Variants in EML6 observed in about 807,000 individuals in gnomAD.
EML6 encodes EMAP like 6.
Under a neutral mutation model 240.1 loss-of-function variants are expected in EML6, and 154 were observed. The observed-to-expected ratio is 0.64, with a 90% CI of 0.56 to 0.73. EML6 has a LOEUF of 0.73. Ranked by LOEUF, EML6 falls within the 30% of genes least tolerant of loss-of-function variation. The pLI is 0.00. For missense variants in EML6, 2,964 were observed against 2,474.6 expected (o/e 1.20, Z -4.20); for synonymous variants, 1,148 against 899.0 (o/e 1.28, Z -4.95).
chr2:54,835,142 T>C (rs2104224283), intron 7 of EML6, among the ~76,000 whole-genome samples: 1 of 152,372 alleles, frequency 6.6e-6, no homozygotes, highest in Non-Finnish European at 1.5e-5. Context: ...CCTATGCTGA[T>C]GATCTCTTCT....
chr2:54,877,526 G>A (rs577828702), intron 16 of EML6, among the ~76,000 whole-genome samples: 11 of 152,236 alleles, frequency 7.2e-5, no homozygotes, highest in Admixed American at 5.2e-4. Context: ...CAAGTGCAGA[G>A]GCATGCCAAC....
chr2:54,929,132 G>C (rs769656036), intron 28 of EML6, among the ~76,000 whole-genome samples: 1 of 152,174 alleles, frequency 6.6e-6, no homozygotes, highest in Non-Finnish European at 1.5e-5. Context: ...AGGTCATGGA[G>C]GAATGGCTGC....
At chr2:54,819,879 G>A (rs1036470701) in intron 4 of EML6, among the ~76,000 whole-genome samples, 3 of 152,174 alleles carry the variant, frequency 2.0e-5, no homozygotes, top group Middle Eastern at 6.9e-3. Context: ...GATAGCCTGA[G>A]GGACTATTTA....
At chr2:54,914,171 C>T (rs1250326523) in intron 25 of EML6, among the ~76,000 whole-genome samples, 2 of 152,146 alleles carry the variant, frequency 1.3e-5, no homozygotes, top group East Asian at 1.9e-4. Context: ...AGAATATATA[C>T]ACCTATATTT....
At chr2:54,901,394 C>G (rs1191706551) in intron 22 of EML6, among the ~76,000 whole-genome samples, 1 of 152,164 alleles carries the variant, frequency 6.6e-6, no homozygotes, top group Non-Finnish European at 1.5e-5. Flanking sequence ...TCACTACAGG[C>G]TAGAATCATT....
At chr2:54,921,141 A>G (rs1374094881) in intron 26 of EML6, among the ~76,000 whole-genome samples, 1 of 152,124 alleles carries the variant, frequency 6.6e-6, no homozygotes, top group African/African-American at 2.4e-5. Flanking sequence ...GAGAAAAGGC[A>G]TCCAGATCAG....
At chr2:54,878,609 T>C (rs1397936490) in intron 16 of EML6, among the ~76,000 whole-genome samples, 2 of 152,208 alleles carry the variant, frequency 1.3e-5, no homozygotes, top group Non-Finnish European at 2.9e-5. Flanking sequence ...AACCTAAATG[T>C]CCAAATTATA....
At chr2:54,918,911 A>G (rs1262738665) in intron 26 of EML6, among the ~76,000 whole-genome samples, 1 of 152,208 alleles carries the variant, frequency 6.6e-6, no homozygotes, top group East Asian at 1.9e-4. Context: ...CCAAATGCTT[A>G]TCGAACTCCT....
At chr2:54,923,622 G>A (rs1674383304) in intron 26 of EML6, among the ~76,000 whole-genome samples, 1 of 152,002 alleles carries the variant, frequency 6.6e-6, no homozygotes, top group South Asian at 2.1e-4. Context: ...TTCAAGATTT[G>A]CTTATGGTAT....
chr2:54,819,596 T>G (rs1668233543), intron 4 of EML6, among the ~76,000 whole-genome samples: 1 of 151,870 alleles, frequency 6.6e-6, no homozygotes. Flanking sequence ...ACCAACATGG[T>G]GAAACCCCGT....
intron 2 of EML6, among the ~76,000 whole-genome samples, chr2:54,770,378 T>G: frequency 6.6e-6 from 1 of 152,250 alleles, no homozygotes; most frequent in East Asian, 1.9e-4. Flanking sequence ...TTTCCAGTTC[T>G]GTTCCATGGT....
intron 2 of EML6, among the ~76,000 whole-genome samples, chr2:54,783,988 G>T (rs1016297862): frequency 6.6e-6 from 1 of 151,964 alleles, no homozygotes; most frequent in African/African-American, 2.4e-5. Flanking sequence ...TTGTGGTATT[G>T]CCCAGGCTGG....
chr2:54,911,468 T>A lies in EML6; in HGVS notation c.3498+426T>A, dbSNP rs944160501. On this transcript the variant is annotated intron_variant, in intron 25 of 41. Coordinates refer to ENST00000356458, the MANE Select transcript of EML6 (RefSeq NM_001039753.4). ...TTTTTGAGGTGGAGTCTTGCTCTTT[T>A]GCCCAGGCTGGAGTGCAGGGGCACC... Among the ~76,000 whole-genome samples, 120 of 152,192 alleles carry A rather than the reference T, an allele frequency of 7.9e-4. 2 individuals carry two copies. The highest frequency in any genetic ancestry group is 2.8e-3 in the African/African-American group (118 of 41,528).
chr2:54,899,838 CAT>C, intron 22 of EML6, 56 bp downstream of exon 22: 2 of 1,471,142 alleles, frequency 1.4e-6, no homozygotes, highest in Non-Finnish European at 1.8e-6. Flanking sequence ...CAGAATGTGT[CAT>C]ATTTATTCAC....
At chr2:54,799,025 A>G (rs1472902758) in intron 2 of EML6, among the ~76,000 whole-genome samples, 1 of 152,094 alleles carries the variant, frequency 6.6e-6, no homozygotes, top group African/African-American at 2.4e-5. Flanking sequence ...ATCTATTGAG[A>G]TGATTGTATT....
chr2:54,892,660 T>A lies in EML6; in HGVS notation c.2742+4T>A. On this transcript the variant is annotated splice_donor_region_variant and intron_variant, in intron 19 of 41. Transcript: ENST00000356458. ...TGCTATGTATGCACTGGATAAGGTA[T>A]GGCCTGTGTATCAGCATTCATTTTC... 1.9e-6 allele frequency: 3 copies of A among 1,548,372 alleles called. No individual in the cohort carries two copies. Among genetic ancestry groups the A allele is most frequent in the Non-Finnish European group, 2.6e-6 (3 of 1,144,814 alleles).
At position 54,916,870 on chromosome 2, in the gene EML6, G is replaced by C. The variant is rs1202217092; in HGVS notation, c.3610G>C (p.Asp1204His). 6.4e-7 allele frequency: 1 copy of C among 1,550,492 alleles called. No individual in the cohort carries two copies. The highest frequency in any genetic ancestry group is 8.7e-7 in the Non-Finnish European group (1 of 1,146,032). Reference protein sequence around the residue: ...TDVNAASLTKDCSLLATGDDF... With the variant: ...TDVNAASLTKHCSLLATGDDF... ...CGTAAATGCTGCCAGTCTTACCAAA[G>C]ACTGTTCCCTTTTAGCCACCGGAGA... The change falls in exon 26 of 42, where the codon GAC (aspartate) becomes CAC (histidine). Residue 1204 changes from aspartate to histidine, a missense_variant. Physicochemically the swap from Asp to His is moderately conservative, Grantham distance 81. Transcript: ENST00000356458.
intron 28 of EML6, among the ~76,000 whole-genome samples, chr2:54,945,541 C>CA (rs1165785377): frequency 1.3e-5 from 2 of 152,146 alleles, no homozygotes; most frequent in Non-Finnish European, 2.9e-5. Context: ...CTTGGTTTCT[C>CA]ACAGGCTGTC....
Position 54,948,295 on chromosome 2 carries a change from C to T in EML6, c.4005-587C>T, listed in dbSNP as rs59753118. Among the ~76,000 whole-genome samples the T allele has an allele frequency of 4.6e-3, 706 of 152,266 alleles. 7 individuals are homozygous for T. The highest frequency in any genetic ancestry group is 0.016 in the African/African-American group (669 of 41,546). Reference sequence around the variant, plus strand: ...GCAGACCCGAGTCCTGAGGCGAGGGCGGAGTGGGAGGCGGGAGTGCTGTCT... The same window carrying T: ...GCAGACCCGAGTCCTGAGGCGAGGGTGGAGTGGGAGGCGGGAGTGCTGTCT... On this transcript the variant is annotated intron_variant, in intron 28 of 41. Coordinates refer to ENST00000356458, the MANE Select transcript of EML6 (RefSeq NM_001039753.4).
Sources: gnomAD v4.1 joint callset for allele counts (sites outside exome capture counted in the v4.1 genomes callset) on GRCh38, gnomAD v4.1.1 for gene constraint, MANE v1.5 for transcripts, NCBI Gene and HGNC (gene_info 2026-07-23, HGNC 2026-07-21) for gene names.